THAP8: variants seen among roughly 807,000 people sequenced by gnomAD.
The protein encoded by THAP8 is THAP domain-containing protein 8.
THAP8 carries 24 observed loss-of-function variants against 25.0 expected under a neutral mutation model. The ratio of observed to expected loss-of-function variants is 0.96; its 90% CI spans 0.69 to 1.35. The LOEUF (loss-of-function observed/expected upper bound fraction) is 1.35. Ranked by LOEUF, THAP8 falls within the 40% of genes most tolerant of loss-of-function variation. THAP8 has a pLI of 0.00. For missense variants in THAP8, 399 were observed against 368.8 expected, an observed-to-expected ratio of 1.08 and a Z score of -0.67; for synonymous variants, 169 against 157.6, an observed-to-expected ratio of 1.07 and a Z score of -0.54.
intron 1 of THAP8, chr19:36,045,704 C>G (rs903835106): frequency 4.4e-6 from 2 of 455,752 alleles, no homozygotes; most frequent in African/African-American, 4.0e-5. Context: ...AATATATTAC[C>G]ACAGAAAAGA....
chr19:36,049,364 C>CA (rs1284983821), intron 1 of THAP8, among the ~76,000 whole-genome samples: 3,125 of 141,790 alleles, frequency 0.022, 99 homozygotes, highest in African/African-American at 0.075. Context: ...GATCATGTTT[C>CA]AAAAAAAAAA....
At chr19:36,042,074 G>GAGGGGA (rs1207396585) in intron 1 of THAP8, among the ~76,000 whole-genome samples, 11 of 151,916 alleles carry the variant, frequency 7.2e-5, no homozygotes, top group African/African-American at 1.4e-4. Context: ...GATGGAGGAG[G>GAGGGGA]AGGGGAAGGG....
At chr19:36,037,266 ACACACACACAC>A (rs1969495349) in intron 3 of THAP8, among the ~76,000 whole-genome samples, 1 of 110,638 alleles carries the variant, frequency 9.0e-6, no homozygotes, top group Non-Finnish European at 2.1e-5. Flanking sequence ...ACACACACAC[ACACACACACAC>A]ACCTTCCTCA....
At chr19:36,048,567 G>T (rs756108570) in intron 1 of THAP8, among the ~76,000 whole-genome samples, 53 of 151,952 alleles carry the variant, frequency 3.5e-4, no homozygotes, top group Non-Finnish European at 6.8e-4. Flanking sequence ...GCTTCACCAT[G>T]TTGGCCAGGC....
Position 36,040,015 on chromosome 19 carries a change from A to T in THAP8, c.205T>A (p.Trp69Arg), listed in dbSNP as rs905972768. Residue 69 changes from tryptophan (W) to arginine (R), a missense_variant, in exon 2 of 4, where the codon TGG (tryptophan) becomes AGG (arginine). Coordinates refer to ENST00000292894, the MANE Select transcript of THAP8 (RefSeq NM_152658.3). ...SEHFTPSCFQ[W>R]RWGVRYLRPD... The stretch of plus-strand genomic sequence containing the variant: ...CGCAGGTAGCGCACACCCCAGCGCC[A>T]CTGGAAGCAGGAGGGTGTGAAGTGC... 8.7e-6 allele frequency: 14 copies of T among 1,613,818 alleles called. No homozygotes were observed. The highest frequency in any genetic ancestry group is 1.2e-5 in the Non-Finnish European group (14 of 1,179,964).
intron 1 of THAP8, among the ~76,000 whole-genome samples, chr19:36,046,444 G>C (rs1483941351): frequency 6.6e-6 from 1 of 152,196 alleles, no homozygotes; most frequent in Non-Finnish European, 1.5e-5. Flanking sequence ...TGGGGAGGAG[G>C]TGGATGGGAT....
chr19:36,052,633 A>G (rs753578381), intron 1 of THAP8, among the ~76,000 whole-genome samples: 1 of 152,220 alleles, frequency 6.6e-6, no homozygotes, highest in Non-Finnish European at 1.5e-5. Flanking sequence ...CCGGATGGTG[A>G]AGTGGGCCCA....
At chr19:36,042,773 G>A (rs889748219) in intron 1 of THAP8, among the ~76,000 whole-genome samples, 1 of 151,586 alleles carries the variant, frequency 6.6e-6, no homozygotes, top group Admixed American at 6.6e-5. Context: ...TCTTTTTTTT[G>A]GGGGGAGGGA....
At chr19:36,040,204 C>T (rs2145434624) in intron 1 of THAP8, 68 bp from the exon 2 acceptor site, 1 of 1,469,378 alleles carries the variant, frequency 6.8e-7, no homozygotes. Context: ...AGAGGATACC[C>T]ACCCTGGAGG....
intron 3 of THAP8, among the ~76,000 whole-genome samples, chr19:36,036,107 C>T (rs554955430): frequency 2.6e-5 from 4 of 152,004 alleles, no homozygotes; most frequent in Middle Eastern, 6.8e-3. Flanking sequence ...GCCCCAGGCC[C>T]GAGTCTGAGC....
At position 36,039,981 on chromosome 19, in the gene THAP8, G is replaced by C; in HGVS notation, c.239C>G (p.Ala80Gly). 6.2e-7 allele frequency: 1 copy of C among 1,613,496 alleles called. No individual in the cohort carries two copies. The highest frequency in any genetic ancestry group is 2.2e-5 in the East Asian group (1 of 44,876). Reference protein sequence around the residue: ...RWGVRYLRPDAVPSIFSRGPP... With the variant: ...RWGVRYLRPDGVPSIFSRGPP... ...TCCCCGGGAGAAGATGGAGGGCACT[G>C]CATCAGGCCGCAGGTAGCGCACACC... is the stretch of plus-strand genomic sequence containing the variant. The change falls in exon 2 of 4, where the codon GCA becomes GGA. Residue 80 changes from alanine to glycine, a missense_variant. By Grantham distance (60) the Ala-to-Gly change is moderately conservative. Transcript: ENST00000292894.
chr19:36,044,387 T>C (rs1969804484), intron 1 of THAP8, among the ~76,000 whole-genome samples: 1 of 151,386 alleles, frequency 6.6e-6, no homozygotes, highest in Non-Finnish European at 1.5e-5. Context: ...CAATTGAAAA[T>C]GGAAAATCAG....
At chr19:36,043,322 C>T (rs183092846) in intron 1 of THAP8, among the ~76,000 whole-genome samples, 91 of 152,120 alleles carry the variant, frequency 6.0e-4, no homozygotes, top group Admixed American at 3.3e-3. Flanking sequence ...CAAATACTGA[C>T]GATTTCACTT....
intron 1 of THAP8, among the ~76,000 whole-genome samples, chr19:36,052,760 G>A (rs1004802530): frequency 2.0e-5 from 3 of 152,206 alleles, no homozygotes; most frequent in African/African-American, 7.2e-5. Context: ...AAGTGACTTA[G>A]CTCCTCCAAG....
intron 3 of THAP8, among the ~76,000 whole-genome samples, 170 bp downstream of exon 3, chr19:36,039,153 C>A (rs1212888533): frequency 2.0e-5 from 3 of 152,256 alleles, no homozygotes; most frequent in African/African-American, 7.2e-5. Context: ...CCTTGGCCTC[C>A]CAAAGTGTTG....
At chr19:36,054,477 C>T, upstream of THAP8, 4 of 584,584 alleles carry the variant, frequency 6.8e-6, no homozygotes, top group South Asian at 2.0e-5. Flanking sequence ...TTCGTCACCC[C>T]GACTTTCATC....
chr19:36,036,934 C>T (rs1209127080), intron 3 of THAP8, among the ~76,000 whole-genome samples: 1 of 131,090 alleles, frequency 7.6e-6, no homozygotes, highest in Admixed American at 7.6e-5. Context: ...GAGCAAGACT[C>T]CTTCTCAAAA....
At chr19:36,045,364 A>G (rs899826248) in intron 1 of THAP8, among the ~76,000 whole-genome samples, 101 of 151,198 alleles carry the variant, frequency 6.7e-4, no homozygotes, top group Non-Finnish European at 1.5e-5. Flanking sequence ...AAACTCCCCA[A>G]GCTCAGGCAA....
At chr19:36,045,578 C>A (rs1969851394) in intron 1 of THAP8, 1 of 376,704 alleles carries the variant, frequency 2.7e-6, no homozygotes, top group African/African-American at 2.1e-5. Context: ...CTGAATATTA[C>A]CTTATATGAC....
Sources: gnomAD v4.1 joint callset for allele counts (sites outside exome capture counted in the v4.1 genomes callset) on GRCh38, gnomAD v4.1.1 for gene constraint, MANE v1.5 for transcripts, NCBI Gene and HGNC (gene_info 2026-07-23, HGNC 2026-07-21) for gene names.